SLC12A7: variants seen among roughly 807,000 people sequenced by gnomAD.
SLC12A7 encodes the protein solute carrier family 12 member 7.
SLC12A7 carries 100 observed loss-of-function variants against 120.6 expected under a neutral mutation model. That is an observed-to-expected ratio of 0.83 (90% CI 0.71 to 0.98). The LOEUF is 0.98. SLC12A7 is among the 50% of genes least tolerant of loss of function. The pLI is 0.00. For missense variants in SLC12A7, 1,373 were observed against 1,548.1 expected, an observed-to-expected ratio of 0.89 and a Z score of 1.90; for synonymous variants, 760 against 678.0, an observed-to-expected ratio of 1.12 and a Z score of -1.88.
At chr5:1,116,632 C>T (rs886970950), upstream of SLC12A7, among the ~76,000 whole-genome samples, 12 of 152,382 alleles carry the variant, frequency 7.9e-5, no homozygotes, top group East Asian at 1.9e-3. Flanking sequence ...CTTCCCCTCA[C>T]TCAGGAGGCT....
In SLC12A7 at chr5:1,089,047, T is replaced by C. The variant is rs1457926498; in HGVS notation, c.424A>G (p.Thr142Ala). Residue 142 changes from threonine to alanine, a missense_variant, in exon 4 of 24, where the codon ACG (threonine) becomes GCG (alanine). Transcript: ENST00000264930. ...ACACCAGCCACCCCCACGATCCACG[T>C]CAGGCGCAGGAAGAGGATGACGCCC... ...ILGVILFLRLTWIVGVAGVLE... is the reference protein window; with the variant it reads ...ILGVILFLRLAWIVGVAGVLE... The C allele has an allele frequency of 6.2e-7, 1 of 1,613,002 alleles. No homozygotes were observed. Among genetic ancestry groups the C allele is most frequent in the Non-Finnish European group, 8.5e-7 (1 of 1,179,972 alleles).
chr5:1,102,495 G>C (rs1478003891), intron 1 of SLC12A7, among the ~76,000 whole-genome samples: 1 of 152,216 alleles, frequency 6.6e-6, no homozygotes, highest in Non-Finnish European at 1.5e-5. Context: ...CTTAGACTCA[G>C]CCTCAGCCGG....
the SLC12A7 span, among the ~76,000 whole-genome samples, chr5:1,144,328 CCAGGGCAGCT>C: frequency 6.6e-6 from 1 of 152,250 alleles, no homozygotes; most frequent in Non-Finnish European, 1.5e-5. Flanking sequence ...CCTTGCTCTG[CCAGGGCAGCT>C]CAGGGCAGCT....
the SLC12A7 span, among the ~76,000 whole-genome samples, chr5:1,126,151 G>T: frequency 6.6e-6 from 1 of 152,094 alleles, no homozygotes; most frequent in Non-Finnish European, 1.5e-5. Flanking sequence ...TATGATCTCA[G>T]CTCACTGCAG....
chr5:1,062,752 C>CTGCT (rs1736442522), intron 20 of SLC12A7: 2 of 153,294 alleles, frequency 1.3e-5, no homozygotes, highest in Non-Finnish European at 2.9e-5. Flanking sequence ...ACCTCCCAGG[C>CTGCT]TGCTGCAGGG....
At chr5:1,056,513 GC>G in intron 22 of SLC12A7, 1 of 822,452 alleles carries the variant, frequency 1.2e-6, no homozygotes, top group Non-Finnish European at 1.5e-6. Context: ...ACACACGCAG[GC>G]CACACACACA....
chr5:1,096,273 G>C (rs1292152206), intron 1 of SLC12A7, among the ~76,000 whole-genome samples: 1 of 152,214 alleles, frequency 6.6e-6, no homozygotes, highest in African/African-American at 2.4e-5. Flanking sequence ...GGCAGGGCAG[G>C]AGGCAGGAGG....
chr5:1,154,779 C>T, the SLC12A7 span, among the ~76,000 whole-genome samples: 2 of 151,172 alleles, frequency 1.3e-5, no homozygotes, highest in Non-Finnish European at 3.0e-5. Flanking sequence ...CTGCCTGGGA[C>T]CTGCCTCATC....
the SLC12A7 span, among the ~76,000 whole-genome samples, chr5:1,139,046 G>A: frequency 7.7e-5 from 11 of 142,928 alleles, no homozygotes; most frequent in Admixed American, 7.7e-4. Context: ...TGCAGGGGTC[G>A]CCCCTCACCC....
intron 22 of SLC12A7, among the ~76,000 whole-genome samples, chr5:1,053,954 T>C (rs997220737): frequency 2.6e-5 from 4 of 152,168 alleles, no homozygotes; most frequent in Non-Finnish European, 5.9e-5. Flanking sequence ...TGGGCACACA[T>C]GGCCTCCTCT....
chr5:1,053,344 G>A lies in SLC12A7; in HGVS notation c.3160+5C>T, dbSNP rs1185073903. The A allele has an allele frequency of 1.9e-6, 3 of 1,613,580 alleles. No individual in the cohort carries two copies. Among genetic ancestry groups the A allele is most frequent in the Non-Finnish European group, 2.5e-6 (3 of 1,179,852 alleles). ...GCTCAGCAGGCACACTGCAAGAAAG[G>A]ATACAGTTCTCGTCTCCCTGCCGGT... is the stretch of plus-strand genomic sequence containing the variant. On this transcript the variant is annotated splice_donor_5th_base_variant and intron_variant, in intron 23 of 23. Coordinates refer to ENST00000264930, the MANE Select transcript of SLC12A7 (RefSeq NM_006598.3).
rs183868727 is a variant in SLC12A7, at chr5:1,061,204, T to C, written c.2740-753A>G. Among the ~76,000 whole-genome samples the C allele has an allele frequency of 3.2e-3, 28 of 8,786 alleles. 1 individual carries two copies. Among genetic ancestry groups the C allele is most frequent in the Admixed American group, 4.6e-3 (2 of 434 alleles). The allele number at this position is 8,786 out of a possible 152,430, so 5.8% of individuals were successfully genotyped here. A position where few individuals can be genotyped will look rare whatever the true frequency, so the allele number is the denominator to read the frequency against. On this transcript the variant is annotated intron_variant, in intron 20 of 23. Coordinates refer to ENST00000264930, the MANE Select transcript of SLC12A7 (RefSeq NM_006598.3). Reference sequence around the variant, plus strand: ...CACCCACCGCACCCGCCGTGCGGGATCCCTGCGTCTCACCCACCGCACCCG... The same window carrying C: ...CACCCACCGCACCCGCCGTGCGGGACCCCTGCGTCTCACCCACCGCACCCG...
chr5:1,067,535 G>A (rs893800105), intron 17 of SLC12A7, among the ~76,000 whole-genome samples: 3 of 152,258 alleles, frequency 2.0e-5, no homozygotes, highest in East Asian at 1.9e-4. Context: ...ACGGAGCCCA[G>A]GGAAACGGCT....
chr5:1,149,996 C>T, the SLC12A7 span, among the ~76,000 whole-genome samples: 1 of 152,220 alleles, frequency 6.6e-6, no homozygotes, highest in Admixed American at 6.5e-5. Context: ...TGCCATTGCA[C>T]TCCAGCCTGG....
intron 1 of SLC12A7, among the ~76,000 whole-genome samples, chr5:1,110,636 G>A (rs1742927012): frequency 6.6e-6 from 1 of 152,222 alleles, no homozygotes; most frequent in Non-Finnish European, 1.5e-5. Context: ...GAAAGACCAC[G>A]CCAGGGCCCA....
rs753777428 is a variant in SLC12A7 at position 1,079,475 on chromosome 5, C to A, written c.1319G>T (p.Arg440Leu). 2.6e-5 allele frequency: 42 copies of A among 1,612,580 alleles called. No individual in the cohort carries two copies. The highest frequency in any genetic ancestry group is 3.2e-5 in the Non-Finnish European group (38 of 1,179,794). Residue 440 changes from arginine (R) to leucine (L), a missense_variant, in exon 10 of 24, where the codon CGG (arginine) becomes CTG (leucine). Physicochemically the swap from Arg to Leu is moderately radical, Grantham distance 102. Transcript: ENST00000264930. ...CTGTGCATCCTTGAGGTCCCCGGACCGGTTTGAACCCGCCATGATACCTGT... is the reference window on the plus strand; with the variant it reads ...CTGTGCATCCTTGAGGTCCCCGGACAGGTTTGAACCCGCCATGATACCTGT... ...SVTGIMAGSN[R>L]SGDLKDAQKS...
At chr5:1,122,300 A>G in the SLC12A7 span, among the ~76,000 whole-genome samples, 1 of 152,162 alleles carries the variant, frequency 6.6e-6, no homozygotes, top group African/African-American at 2.4e-5. Context: ...TGGGGGTGTC[A>G]GAATCTCACC....
At chr5:1,119,516 C>A in the SLC12A7 span, among the ~76,000 whole-genome samples, 1 of 152,260 alleles carries the variant, frequency 6.6e-6, no homozygotes, top group Admixed American at 6.5e-5. Flanking sequence ...TGCACCATGA[C>A]CCCCTCCAGC....
At position 1,083,854 on chromosome 5, in the gene SLC12A7, G is replaced by T. The variant is rs1249659976; in HGVS notation, c.1020C>A (p.Gly340=). The change falls in exon 8 of 24, where the codon GGC becomes GGA. Residue 340 remains glycine, a synonymous_variant. Transcript: ENST00000264930. ...HNNSATSALW[G]LFCNGSQPSA... Reference sequence around the variant, plus strand: ...TGGGCTGGGAGCCGTTGCAGAAGAGGCCCCAGAGCGCGGAGGTGGCTGAGT... The same window carrying T: ...TGGGCTGGGAGCCGTTGCAGAAGAGTCCCCAGAGCGCGGAGGTGGCTGAGT... 8 of 1,607,636 alleles carry T rather than the reference G, an allele frequency of 5.0e-6. No individual in the cohort carries two copies. Among genetic ancestry groups the T allele is most frequent in the Admixed American group, 3.4e-5 (2 of 59,694 alleles).
Sources: allele counts gnomAD v4.1 joint callset (sites outside exome capture counted in the v4.1 genomes callset), GRCh38; gene constraint gnomAD v4.1.1; transcripts MANE v1.5; gene names NCBI Gene and HGNC (gene_info 2026-07-23, HGNC 2026-07-21).